RADX: variants seen among roughly 807,000 people sequenced by gnomAD.
The protein encoded by RADX is RPA-related protein RADX.
A neutral mutation model predicts 61.6 loss-of-function variants in RADX; 36 were observed. That is an observed-to-expected ratio of 0.58 (90% CI 0.45 to 0.77). The LOEUF is 0.77. Among genes scored for constraint, RADX ranks in the 30% least tolerant of loss-of-function variants. The probability of loss-of-function intolerance (pLI) is 0.00; values close to 1 mark genes in which losing one functional copy is unlikely to be tolerated. For missense variants in RADX, 497 were observed against 651.1 expected (o/e 0.76, Z 2.58); for synonymous variants, 272 against 237.9 (o/e 1.14, Z -1.32).
At chrX:106,664,030 A>G (rs999328530) in intron 12 of RADX, among the ~76,000 whole-genome samples, 5 of 111,768 alleles carry the variant, frequency 4.5e-5, no homozygotes, top group Non-Finnish European at 7.5e-5. Context: ...TATAAATTTT[A>G]TATCCTACAT....
At chrX:106,640,774 C>T (rs980603720) in intron 10 of RADX, 53 bp downstream of exon 10, 3 of 848,624 alleles carry the variant, frequency 3.5e-6, no homozygotes, top group Non-Finnish European at 4.8e-6. Context: ...TTTGGGTTAT[C>T]TCTACCCTGT....
chrX:106,669,338 A>C lies in RADX; in HGVS notation c.2437+8A>C, dbSNP rs901566579. ...GTCCAAGAGCGGTTGCAGGTAAAAC[A>C]ATCTCAGTGTTCTTTTCACTCAGAA... On this transcript the variant is annotated splice_region_variant and intron_variant, in intron 13 of 13. Transcript: ENST00000372548. 6.0e-6 allele frequency: 7 copies of C among 1,157,283 alleles called. No homozygotes were observed. The Admixed American group carries it at 7.7e-5, about 13-fold the overall frequency.
chrX:106,629,001 A>G (rs760534820), intron 3 of RADX, among the ~76,000 whole-genome samples: 5 of 112,339 alleles, frequency 4.5e-5, no homozygotes, highest in Non-Finnish European at 9.4e-5. Context: ...TTGCAAAACA[A>G]AGGATATATT....
Position 106,678,250 on chromosome X carries a change from A to G in RADX, c.2560A>G (p.Thr854Ala). Residue 854 changes from threonine to alanine, a missense_variant, in exon 14 of 14, where the codon ACT becomes GCT. Thr to Ala is a moderately conservative substitution (Grantham distance 58, BLOSUM62 0). This residue lies in a region of RADX where 267 missense variants were observed against 306.9 expected (regional missense o/e 0.87). Transcript: ENST00000372548. ...YLHKIYSPENTS is the reference protein window; with the variant it reads ...YLHKIYSPENAS ...GCACAAGATTTATAGTCCAGAGAAT[A>G]CTTCTTAAAAGTTAGCAAATGAAAT... 1.7e-6 allele frequency: 2 copies of G among 1,152,737 alleles called. No individual in the cohort carries two copies. Among genetic ancestry groups the G allele is most frequent in the Non-Finnish European group, 2.4e-6 (2 of 844,646 alleles). The allele number at this position is 1,152,737 out of a possible 1,213,427, so 95.0% of individuals were successfully genotyped here.
chrX:106,655,007 A>T (rs1385193174), intron 11 of RADX, among the ~76,000 whole-genome samples: 2 of 112,003 alleles, frequency 1.8e-5, no homozygotes, highest in Non-Finnish European at 3.8e-5. Flanking sequence ...TTCCATGGTT[A>T]ATTGCAGGCG....
At chrX:106,617,245 C>G (rs1335791247) in intron 1 of RADX, among the ~76,000 whole-genome samples, 4 of 109,112 alleles carry the variant, frequency 3.7e-5, no homozygotes, top group Non-Finnish European at 7.6e-5. Flanking sequence ...AGGCTGGTCT[C>G]AAACTCCTGA....
chrX:106,632,811 C>A, intron 4 of RADX, 78 bp downstream of exon 4: 1 of 935,286 alleles, frequency 1.1e-6, no homozygotes, highest in Non-Finnish European at 1.5e-6. Context: ...TTATAATTTG[C>A]TCAAAATCTA....
intron 11 of RADX, 30 bp from the exon 12 acceptor site, chrX:106,661,985 A>G (rs773552036): frequency 5.1e-6 from 6 of 1,181,877 alleles, no homozygotes; most frequent in Admixed American, 4.5e-5. Context: ...TTATAGATCA[A>G]TTGTGTCTAT....
At chrX:106,650,114 G>T (rs1603051292) in intron 11 of RADX, among the ~76,000 whole-genome samples, 1 of 111,129 alleles carries the variant, frequency 9.0e-6, no homozygotes, top group African/African-American at 3.3e-5. Flanking sequence ...GAAGTTTGCA[G>T]AAGGGCAGAA....
At chrX:106,654,957 A>C (rs1055344006) in intron 11 of RADX, among the ~76,000 whole-genome samples, 4 of 111,922 alleles carry the variant, frequency 3.6e-5, no homozygotes, top group Non-Finnish European at 7.5e-5. Flanking sequence ...GGAATAGATG[A>C]GTCAAAGAGA....
At chrX:106,675,022 C>CAA (rs10715478) in intron 13 of RADX, among the ~76,000 whole-genome samples, 2 of 80,078 alleles carry the variant, frequency 2.5e-5, no homozygotes, top group African/African-American at 4.2e-5. Flanking sequence ...GACTCCATCT[C>CAA]AAAAAAAAAA....
At position 106,625,344 on chromosome X, in the gene RADX, C is replaced by T. The variant is rs983025218; in HGVS notation, c.979+62C>T. On this transcript the variant is annotated intron_variant, in intron 3 of 13. Transcript: ENST00000372548. ...TTTGTTTATATAAATTTGCAATGTA[C>T]CATATTAGGAAAAAAGACCACAAAA... The T allele has an allele frequency of 8.8e-6, 7 of 793,885 alleles. No homozygotes were observed. The African/African-American group carries it at 1.5e-4, about 17-fold the overall frequency. 65.4% of individuals were successfully genotyped at this position (793,885 alleles called of 1,213,427 possible).
At chrX:106,625,873 G>A (rs1474642545) in intron 3 of RADX, among the ~76,000 whole-genome samples, 1 of 110,755 alleles carries the variant, frequency 9.0e-6, no homozygotes, top group Non-Finnish European at 1.9e-5. Context: ...ACCCCTTTAA[G>A]CCTAAACACT....
At chrX:106,614,923 C>T (rs1321074184) in intron 1 of RADX, among the ~76,000 whole-genome samples, 1 of 111,753 alleles carries the variant, frequency 8.9e-6, no homozygotes, top group Admixed American at 9.5e-5. Flanking sequence ...ACCATCACCC[C>T]CCTCCCTTTA....
At chrX:106,660,014 T>C (rs1440375616) in intron 11 of RADX, among the ~76,000 whole-genome samples, 1 of 111,972 alleles carries the variant, frequency 8.9e-6, no homozygotes, top group Non-Finnish European at 1.9e-5. Context: ...CATGCTGTAT[T>C]CTAAAATAAG....
chrX:106,650,241 A>G (rs1212725162), intron 11 of RADX, among the ~76,000 whole-genome samples: 1 of 111,089 alleles, frequency 9.0e-6, no homozygotes, highest in East Asian at 2.9e-4. Context: ...GCATGGAAGT[A>G]TGGTTGCAGT....
chrX:106,664,059 C>A (rs1276453870), intron 12 of RADX, among the ~76,000 whole-genome samples: 1 of 111,333 alleles, frequency 9.0e-6, no homozygotes, highest in African/African-American at 3.3e-5. Context: ...GTATGGTTTA[C>A]ATAGTTAAAA....
chrX:106,625,431 C>T (rs1330970623), intron 3 of RADX, 149 bp downstream of exon 3: 1 of 317,021 alleles, frequency 3.2e-6, no homozygotes, highest in Admixed American at 5.9e-5. Flanking sequence ...AATTTTCAAG[C>T]AATCACATAA....
At chrX:106,662,716 A>G (rs1246734172) in intron 12 of RADX, among the ~76,000 whole-genome samples, 2 of 108,944 alleles carry the variant, frequency 1.8e-5, no homozygotes, top group African/African-American at 6.6e-5. Flanking sequence ...CCCTACCAAA[A>G]AAAAAAAAAA....
Sources: gnomAD v4.1 joint callset for allele counts (sites outside exome capture counted in the v4.1 genomes callset) on GRCh38, gnomAD v4.1.1 for gene constraint, gnomAD v4.1.1 regional missense constraint, MANE v1.5 for transcripts, NCBI Gene and HGNC (gene_info 2026-07-23, HGNC 2026-07-21) for gene names.